Variants in MTA3 observed in about 807,000 individuals in gnomAD.
The protein encoded by MTA3 is metastasis associated 1 family member 3, also known as metastasis-associated protein MTA3.
In MTA3, 34 loss-of-function variants were observed where a neutral mutation model predicts 83.5. That is an observed-to-expected ratio of 0.41 (90% CI 0.31 to 0.54). The LOEUF (loss-of-function observed/expected upper bound fraction) is 0.54, where lower values mean the gene tolerates loss of function less well. Among genes scored for constraint, MTA3 ranks in the 20% least tolerant of loss-of-function variants. The probability of loss-of-function intolerance (pLI) is 0.33; values close to 1 mark genes in which losing one functional copy is unlikely to be tolerated. For missense variants in MTA3, 761 were observed against 726.4 expected (o/e 1.05, Z -0.55); for synonymous variants, 303 against 252.7 (o/e 1.20, Z -1.89).
chr2:42,600,026 C>G (rs1682362721), intron 3 of MTA3, among the ~76,000 whole-genome samples: 1 of 122,236 alleles, frequency 8.2e-6, no homozygotes, highest in African/African-American at 3.3e-5. Context: ...GAAACCCTGT[C>G]TGTACTAAAA....
In MTA3 at chr2:42,654,267, T is replaced by G. The variant is rs149639936; in HGVS notation, c.500-1933T>G. On this transcript the variant is annotated intron_variant, in intron 6 of 16. Coordinates refer to ENST00000405094, the MANE Select transcript of MTA3 (RefSeq NM_001330442.2). ...AAGAGGCTGCAGATGGAATGCCTGC[T>G]TCTGTCCTCTCCTTTCCATTGATAC... 1.1e-3 allele frequency among the ~76,000 whole-genome samples: 167 copies of G among 152,322 alleles called. 1 individual carries two copies. Among genetic ancestry groups the G allele is most frequent in the African/African-American group, 3.3e-3 (136 of 41,588 alleles).
chr2:42,554,264 C>G (rs1024815560), intron 2 of MTA3, among the ~76,000 whole-genome samples: 2 of 152,080 alleles, frequency 1.3e-5, no homozygotes, highest in African/African-American at 4.8e-5. Flanking sequence ...AACTAGTTAT[C>G]TATTCATGCC....
intron 8 of MTA3, among the ~76,000 whole-genome samples, chr2:42,676,192 CACAA>C (rs1691339599): frequency 1.3e-5 from 2 of 152,186 alleles, no homozygotes; most frequent in South Asian, 4.1e-4. Context: ...TGTTCAGGAA[CACAA>C]ACTAAACACT....
chr2:42,502,961 CA>C lies in MTA3; in HGVS notation c.-141+7717del, dbSNP rs200560658. Among the ~76,000 whole-genome samples, 91 of 133,290 alleles carry C rather than the reference CA, an allele frequency of 6.8e-4. No homozygotes were observed. The Middle Eastern group carries it at 0.012, about 18-fold the overall frequency. The allele number at this position is 133,290 out of a possible 152,430, so 87.4% of individuals were successfully genotyped here. ...TGGGAGACAGGGCAAGACTCTGTCT[CA>C]AAAAAAAAAGCAAATAAATAAAACA... On this transcript the variant is annotated intron_variant, in intron 2 of 17. Transcript: ENST00000405592.
chr2:42,559,649 C>T (rs989020554), intron 2 of MTA3, among the ~76,000 whole-genome samples: 3 of 151,378 alleles, frequency 2.0e-5, no homozygotes, highest in Middle Eastern at 3.4e-3. Flanking sequence ...GAGGCTAAGG[C>T]AGGTGGATCA....
At chr2:42,738,123 A>T (rs1347359898) in intron 16 of MTA3, among the ~76,000 whole-genome samples, 1 of 152,112 alleles carries the variant, frequency 6.6e-6, no homozygotes, top group African/African-American at 2.4e-5. Flanking sequence ...TTAGCTGATC[A>T]TGGTGGCATG....
intron 2 of MTA3, among the ~76,000 whole-genome samples, chr2:42,534,714 A>T (rs1676138838): frequency 2.6e-5 from 4 of 152,214 alleles, no homozygotes; most frequent in African/African-American, 9.6e-5. Context: ...GAGGGAAATA[A>T]ACTTCTGTCT....
chr2:42,719,021 C>T lies in MTA3; in HGVS notation c.1559C>T (p.Pro520Leu), dbSNP rs1376247966. 1 of 1,550,386 alleles carries T rather than the reference C, an allele frequency of 6.5e-7. No individual in the cohort carries two copies. The highest frequency in any genetic ancestry group is 2.4e-5 in the East Asian group (1 of 40,892). ...ADRHAELSGS[P>L]LKSKSTRKPL... ...AGACATGCTGAACTATCTGGAAGTC[C>T]ACTGAAAAGCAAAAGCACTAGGAAG... Residue 520 changes from proline to leucine, a missense_variant, in exon 15 of 17, where the codon CCA becomes CTA. Pro to Leu is a moderately conservative substitution (Grantham distance 98). Coordinates refer to ENST00000405094, the MANE Select transcript of MTA3 (RefSeq NM_001330442.2).
chr2:42,704,273 C>T lies in MTA3; in HGVS notation c.1105C>T (p.Gln369Ter). ...GAATGGAGCTGTGGGGACCACGTTC[C>T]AGCCTCAGAATCCTCTCTTAGGGAG... ...AVNGAVGTTF[Q>*]PQNPLLGRAC... is the part of the protein sequence containing the mutation. Residue 369 changes from glutamine (Q) to a stop codon, truncating the protein, a stop_gained, in exon 12 of 17, where the codon CAG (glutamine) becomes TAG (stop). Coordinates refer to ENST00000405094, the MANE Select transcript of MTA3 (RefSeq NM_001330442.2). LOFTEE classifies it high-confidence loss of function. The T allele has an allele frequency of 6.2e-7, 1 of 1,613,952 alleles. No homozygotes were observed.
intron 3 of MTA3, among the ~76,000 whole-genome samples, chr2:42,592,238 G>C (rs1558469637): frequency 6.6e-6 from 1 of 151,946 alleles, no homozygotes; most frequent in Non-Finnish European, 1.5e-5. Context: ...CTCTAGCCTG[G>C]GAGACAGAGT....
chr2:42,719,330 T>C (rs901378585), intron 15 of MTA3, among the ~76,000 whole-genome samples: 1 of 152,154 alleles, frequency 6.6e-6, no homozygotes, highest in Admixed American at 6.5e-5. Context: ...TAATATATAT[T>C]CATGGAAATA....
intron 15 of MTA3, among the ~76,000 whole-genome samples, chr2:42,720,818 C>A (rs1480018032): frequency 6.6e-6 from 1 of 151,468 alleles, no homozygotes; most frequent in South Asian, 2.1e-4. Flanking sequence ...TGTGGTGGTG[C>A]GTGCCTGTGG....
rs532869300 is a variant in MTA3 at position 42,600,408 on chromosome 2, CTA to C, written c.191-9048_191-9047del. On this transcript the variant is annotated intron_variant, in intron 3 of 16. Transcript: ENST00000405094. ...TTATTTCCATTTTGTCCATGGTAGA[CTA>C]TTAATTTTCTGACTTTTGGTTTCCA... Among the ~76,000 whole-genome samples the C allele has an allele frequency of 1.6e-4, 25 of 152,026 alleles. No individual in the cohort carries two copies. The South Asian group carries it at 4.6e-3, about 28-fold the overall frequency.
At chr2:42,692,582 G>C (rs895176344) in intron 9 of MTA3, among the ~76,000 whole-genome samples, 15 of 152,070 alleles carry the variant, frequency 9.9e-5, no homozygotes, top group African/African-American at 3.6e-4. Context: ...GCATCACTAT[G>C]CCTGGCTAAT....
chr2:42,679,774 G>A (rs1199331000), intron 8 of MTA3, among the ~76,000 whole-genome samples: 1 of 151,352 alleles, frequency 6.6e-6, no homozygotes, highest in Non-Finnish European at 1.5e-5. Flanking sequence ...AATACAACCA[G>A]CACCATAGTT....
chr2:42,740,347 T>TA (rs1668939623), intron 16 of MTA3, among the ~76,000 whole-genome samples: 2 of 152,110 alleles, frequency 1.3e-5, no homozygotes, highest in African/African-American at 4.8e-5. Flanking sequence ...CCTGTCTCTA[T>TA]AAAAAATACA....
At chr2:42,659,574 C>T (rs1689478512) in intron 7 of MTA3, 189 bp from the exon 8 acceptor site, 1 of 284,488 alleles carries the variant, frequency 3.5e-6, no homozygotes, top group African/African-American at 2.2e-5. Context: ...AGTAAATTGG[C>T]TTGTCAATTA....
upstream of MTA3, among the ~76,000 whole-genome samples, chr2:42,566,259 G>C (rs373388460): frequency 6.6e-6 from 1 of 152,070 alleles, no homozygotes; most frequent in South Asian, 2.1e-4. Context: ...TGGTTGAAAG[G>C]TTTCTTTCAA....
At chr2:42,722,410 TG>T (rs1216674042) in intron 15 of MTA3, among the ~76,000 whole-genome samples, 2 of 152,216 alleles carry the variant, frequency 1.3e-5, no homozygotes, top group African/African-American at 4.8e-5. Flanking sequence ...TAATTGATCC[TG>T]GTCCCATACT....
Sources: allele counts gnomAD v4.1 joint callset (sites outside exome capture counted in the v4.1 genomes callset), GRCh38; gene constraint gnomAD v4.1.1; transcripts MANE v1.5; gene names NCBI Gene and HGNC (gene_info 2026-07-23, HGNC 2026-07-21).